The following GRK3 variants were observed in gnomAD, a reference collection of about 807,000 sequenced individuals.
The protein encoded by GRK3 is G protein-coupled receptor kinase 3.
In GRK3, 54 loss-of-function variants were observed where a neutral mutation model predicts 95.7. That is an observed-to-expected ratio of 0.56 (90% CI 0.45 to 0.71). GRK3 has a LOEUF of 0.71. Ranked by LOEUF, GRK3 falls within the 30% of genes least tolerant of loss-of-function variation. The probability of loss-of-function intolerance (pLI) is 0.00; values close to 1 mark genes in which losing one functional copy is unlikely to be tolerated. For missense variants in GRK3, 649 were observed against 851.2 expected, an observed-to-expected ratio of 0.76 and a Z score of 2.96; for synonymous variants, 281 against 290.8, an observed-to-expected ratio of 0.97 and a Z score of 0.34.
chr22:25,646,330 T>G (rs143922241), intron 3 of GRK3, among the ~76,000 whole-genome samples: 31 of 152,318 alleles, frequency 2.0e-4, no homozygotes, highest in Non-Finnish European at 1.3e-4. Context: ...TTATGAAGAC[T>G]TAACCACTTT....
chr22:25,660,969 A>G (rs752138678), intron 3 of GRK3, among the ~76,000 whole-genome samples: 2 of 152,222 alleles, frequency 1.3e-5, no homozygotes, highest in Non-Finnish European at 2.9e-5. Context: ...ATACAGCAAA[A>G]TACACGATTT....
Position 25,695,177 on chromosome 22 carries a change from T to A in GRK3, c.1123T>A (p.Phe375Ile). ...GGCCTATGACAGCAGTGCCGACTGGTTCTCCCTGGGCTGCATGCTTTTCAA... is the reference window on the plus strand; with the variant it reads ...GGCCTATGACAGCAGTGCCGACTGGATCTCCCTGGGCTGCATGCTTTTCAA... ...GTAYDSSADWFSLGCMLFKLL... is the reference protein window; with the variant it reads ...GTAYDSSADWISLGCMLFKLL... The change falls in exon 13 of 21, where the codon TTC (phenylalanine) becomes ATC (isoleucine). Residue 375 changes from phenylalanine to isoleucine, a missense_variant. Phe to Ile is a conservative substitution (Grantham distance 21, BLOSUM62 0). Coordinates refer to ENST00000324198, the MANE Select transcript of GRK3 (RefSeq NM_005160.4). The A allele has an allele frequency of 6.2e-7, 1 of 1,614,122 alleles. No individual in the cohort carries two copies. Among genetic ancestry groups the A allele is most frequent in the Non-Finnish European group, 8.5e-7 (1 of 1,179,974 alleles).
intron 15 of GRK3, among the ~76,000 whole-genome samples, 188 bp downstream of exon 15, chr22:25,704,397 A>T (rs902368116): frequency 1.2e-4 from 18 of 152,156 alleles, no homozygotes; most frequent in Non-Finnish European, 2.5e-4. Flanking sequence ...AAGTTGAAGA[A>T]GTCACTCACT....
chr22:25,687,387 T>G (rs2085124314), intron 10 of GRK3, 150 bp from the exon 11 acceptor site: 1 of 712,828 alleles, frequency 1.4e-6, no homozygotes, highest in African/African-American at 1.8e-5. Flanking sequence ...TTTAAGCTGT[T>G]GCTAAACTAC....
chr22:25,615,430 T>C (rs1445124625), intron 2 of GRK3, among the ~76,000 whole-genome samples: 2 of 152,186 alleles, frequency 1.3e-5, no homozygotes, highest in Non-Finnish European at 2.9e-5. Flanking sequence ...CATAATATCT[T>C]CTGGTTTTAG....
chr22:25,595,150 G>C (rs1403015288), intron 1 of GRK3, among the ~76,000 whole-genome samples: 1 of 152,126 alleles, frequency 6.6e-6, no homozygotes, highest in East Asian at 1.9e-4. Context: ...ATTCAACATA[G>C]TACTGGAGCA....
chr22:25,697,482 C>T (rs1231620963), intron 13 of GRK3, among the ~76,000 whole-genome samples: 1 of 152,204 alleles, frequency 6.6e-6, no homozygotes, highest in Non-Finnish European at 1.5e-5. Context: ...GACAGGAAGA[C>T]ATCCTGAGGA....
At position 25,722,974 on chromosome 22, in the gene GRK3, G is replaced by T. The variant is rs1240705585; in HGVS notation, c.*524G>T. Reference sequence around the variant, plus strand: ...TTTTCTGATGATATTAAAAGTTGAAGATATTTCTGCACTTGGGCCCTCCTC... The same window carrying T: ...TTTTCTGATGATATTAAAAGTTGAATATATTTCTGCACTTGGGCCCTCCTC... On this transcript the variant is annotated 3_prime_UTR_variant, in exon 21 of 21. Transcript: ENST00000324198. 1 of 152,556 alleles carries T rather than the reference G, an allele frequency of 6.6e-6. No homozygotes were observed. Among genetic ancestry groups the T allele is most frequent in the Non-Finnish European group, 1.5e-5 (1 of 68,310 alleles). The allele number at this position is 152,556 out of a possible 1,614,324, so 9.5% of individuals were successfully genotyped here.
At chr22:25,681,250 C>G (rs16986611) in intron 9 of GRK3, among the ~76,000 whole-genome samples, 29,770 of 152,060 alleles carry the variant, frequency 0.2, 5,865 homozygotes, top group African/African-American at 0.51. Context: ...AGTTCTCATA[C>G]AGCTGCATGG....
Position 25,565,219 on chromosome 22 carries a change from G to A in GRK3, c.113+66G>A, listed in dbSNP as rs1433316134. ...CCCCTGCGGCCGCCAGCTACCCCCTGCTTCCTGGAGGGTCGGGCGCTGAGC... is the reference window on the plus strand; with the variant it reads ...CCCCTGCGGCCGCCAGCTACCCCCTACTTCCTGGAGGGTCGGGCGCTGAGC... On this transcript the variant is annotated intron_variant, in intron 1 of 20. Coordinates refer to ENST00000324198, the MANE Select transcript of GRK3 (RefSeq NM_005160.4). 1.3e-4 allele frequency: 106 copies of A among 811,312 alleles called. 1 individual carries two copies. In the East Asian group the frequency reaches 3.7e-3, roughly 28 times the overall value. 50.3% of individuals were successfully genotyped at this position (811,312 alleles called of 1,614,324 possible).
At chr22:25,709,779 C>T in intron 15 of GRK3, 119 bp from the exon 16 acceptor site, 1 of 722,690 alleles carries the variant, frequency 1.4e-6, no homozygotes, top group South Asian at 1.7e-5. Context: ...TGTTTGCTTT[C>T]TTAAAGGAAA....
chr22:25,614,629 C>T (rs1330886835), intron 2 of GRK3, among the ~76,000 whole-genome samples: 1 of 152,044 alleles, frequency 6.6e-6, no homozygotes, highest in Non-Finnish European at 1.5e-5. Context: ...GGTGGCAGAG[C>T]CAGAGTTGGA....
intron 2 of GRK3, among the ~76,000 whole-genome samples, chr22:25,625,381 C>A (rs2146362489): frequency 6.6e-6 from 1 of 152,284 alleles, no homozygotes; most frequent in South Asian, 2.1e-4. Flanking sequence ...GAGAAGTGAC[C>A]AGCAGACAAG....
intron 1 of GRK3, among the ~76,000 whole-genome samples, chr22:25,600,612 A>G (rs1168482848): frequency 6.6e-6 from 1 of 152,216 alleles, no homozygotes; most frequent in South Asian, 2.1e-4. Flanking sequence ...TAATCTAGAG[A>G]TGATTTAAAC....
intron 3 of GRK3, among the ~76,000 whole-genome samples, chr22:25,660,059 G>T (rs771224954): frequency 1.3e-5 from 2 of 152,164 alleles, no homozygotes; most frequent in Non-Finnish European, 2.9e-5. Flanking sequence ...TTTGCCTTTG[G>T]TTTAGTGATA....
intron 13 of GRK3, among the ~76,000 whole-genome samples, chr22:25,696,720 C>T (rs1221768612): frequency 2.0e-5 from 3 of 152,204 alleles, no homozygotes; most frequent in African/African-American, 4.8e-5. Flanking sequence ...TACATTCCCC[C>T]AAAACTAGGT....
intron 8 of GRK3, among the ~76,000 whole-genome samples, chr22:25,677,905 A>G (rs985026064): frequency 7.9e-4 from 120 of 152,252 alleles, no homozygotes; most frequent in African/African-American, 2.8e-3. Flanking sequence ...TGCATTTTCT[A>G]AATATGAGTT....
chr22:25,637,066 G>A (rs1161223720), intron 2 of GRK3, among the ~76,000 whole-genome samples: 1 of 152,180 alleles, frequency 6.6e-6, no homozygotes, highest in Non-Finnish European at 1.5e-5. Flanking sequence ...GAACAAAAAG[G>A]TGGAGAAAGA....
intron 3 of GRK3, among the ~76,000 whole-genome samples, chr22:25,655,348 A>G (rs1012860261): frequency 2.6e-5 from 4 of 152,136 alleles, no homozygotes; most frequent in Non-Finnish European, 4.4e-5. Context: ...CCCCAAATCC[A>G]AGCCCATTCT....
Sources: allele counts gnomAD v4.1 joint callset (sites outside exome capture counted in the v4.1 genomes callset), GRCh38; gene constraint gnomAD v4.1.1; transcripts MANE v1.5; gene names NCBI Gene and HGNC (gene_info 2026-07-23, HGNC 2026-07-21).